BTBD9: variants seen among roughly 807,000 people sequenced by gnomAD.
BTBD9 encodes BTB/POZ domain-containing protein 9.
Under a neutral mutation model 64.3 loss-of-function variants are expected in BTBD9, and 49 were observed. The observed-to-expected ratio is 0.76, with a 90% CI of 0.61 to 0.97. BTBD9 has a LOEUF of 0.97. Ranked by LOEUF, BTBD9 falls within the 50% of genes least tolerant of loss-of-function variation. The probability of loss-of-function intolerance (pLI) is 0.00; values close to 1 mark genes in which losing one functional copy is unlikely to be tolerated. For synonymous variants in BTBD9, 260 were observed against 274.7 expected (o/e 0.95, Z 0.53); for missense variants, 598 against 762.1 (o/e 0.78, Z 2.53).
chr6:38,541,727 A>G (rs898398524), intron 6 of BTBD9, among the ~76,000 whole-genome samples: 4 of 152,002 alleles, frequency 2.6e-5, no homozygotes, highest in Admixed American at 2.0e-4. Context: ...ACAGAGCAAG[A>G]CTCCATCTCA....
At chr6:38,453,247 C>A (rs369185854) in intron 6 of BTBD9, among the ~76,000 whole-genome samples, 1 of 152,092 alleles carries the variant, frequency 6.6e-6, no homozygotes, top group East Asian at 1.9e-4. Flanking sequence ...AAGCTCTCCC[C>A]GTAGAATTTA....
intron 7 of BTBD9, among the ~76,000 whole-genome samples, chr6:38,315,143 C>T (rs1024926786): frequency 8.5e-5 from 13 of 152,198 alleles, no homozygotes; most frequent in Admixed American, 6.5e-4. Flanking sequence ...CCACCATGCC[C>T]GGCCTCTGAT....
At chr6:38,467,149 AAG>A (rs1035421665) in intron 6 of BTBD9, among the ~76,000 whole-genome samples, 3 of 152,336 alleles carry the variant, frequency 2.0e-5, no homozygotes, top group South Asian at 4.1e-4. Context: ...ACAAACAAAA[AAG>A]AATTACAGAA....
chr6:38,210,536 T>TTGTGTGTGTG lies in BTBD9; in HGVS notation c.1563-17949_1563-17940dup, dbSNP rs71542165. Among the ~76,000 whole-genome samples the TTGTGTGTGTG allele has an allele frequency of 4.3e-3, 637 of 146,440 alleles. 9 individuals carry two copies. Among genetic ancestry groups the TTGTGTGTGTG allele is most frequent in the African/African-American group, 0.012 (486 of 39,236 alleles). On this transcript the variant is annotated intron_variant, in intron 9 of 10. Coordinates refer to ENST00000481247, the MANE Select transcript of BTBD9 (RefSeq NM_001099272.2). ...AGTGGTGGTGGGAGAGTGCGTGTGT[T>TTGTGTGTGTG]TGTGTGTGTGTGTGTGTGTGTGTGT...
chr6:38,290,797 G>A (rs1036219372), intron 7 of BTBD9, among the ~76,000 whole-genome samples: 1 of 152,182 alleles, frequency 6.6e-6, no homozygotes, highest in African/African-American at 2.4e-5. Flanking sequence ...ACCCTGCTGT[G>A]TGCCTGGGAA....
intron 6 of BTBD9, among the ~76,000 whole-genome samples, chr6:38,388,219 CAAA>C (rs35755281): frequency 3.9e-5 from 4 of 102,538 alleles, no homozygotes; most frequent in Admixed American, 1.0e-4. Flanking sequence ...CTGCCCCTGA[CAAA>C]AAAAAAAAAA....
At chr6:38,236,308 A>C (rs909077055) in intron 9 of BTBD9, among the ~76,000 whole-genome samples, 1 of 152,128 alleles carries the variant, frequency 6.6e-6, no homozygotes, top group Non-Finnish European at 1.5e-5. Flanking sequence ...CCCATTTCCC[A>C]CTTTACTTTT....
At chr6:38,524,721 A>G (rs1022295776) in intron 6 of BTBD9, among the ~76,000 whole-genome samples, 2 of 152,196 alleles carry the variant, frequency 1.3e-5, no homozygotes, top group Non-Finnish European at 2.9e-5. Context: ...TAACAAATTC[A>G]GTCACTTCTT....
At chr6:38,528,911 A>T (rs1018660863) in intron 6 of BTBD9, among the ~76,000 whole-genome samples, 1 of 152,090 alleles carries the variant, frequency 6.6e-6, no homozygotes, top group African/African-American at 2.4e-5. Context: ...GAGAGACAAG[A>T]GTAAATGGGA....
At chr6:38,475,929 T>C (rs1488065277) in intron 6 of BTBD9, among the ~76,000 whole-genome samples, 2 of 152,146 alleles carry the variant, frequency 1.3e-5, no homozygotes, top group Non-Finnish European at 2.9e-5. Flanking sequence ...CTAGATTCAG[T>C]GGTCTTATTC....
At chr6:38,176,112 G>A (rs748789578) in intron 10 of BTBD9, among the ~76,000 whole-genome samples, 1 of 152,162 alleles carries the variant, frequency 6.6e-6, no homozygotes, top group Non-Finnish European at 1.5e-5. Flanking sequence ...AGTAGACAAC[G>A]TGCTTCGGGG....
chr6:38,460,554 A>T (rs1000143186), intron 6 of BTBD9, among the ~76,000 whole-genome samples: 1 of 152,254 alleles, frequency 6.6e-6, no homozygotes, highest in Non-Finnish European at 1.5e-5. Context: ...GTTTCTTCAC[A>T]TACCATATAG....
chr6:38,305,790 G>A (rs995811970), intron 7 of BTBD9, among the ~76,000 whole-genome samples: 1 of 152,042 alleles, frequency 6.6e-6, no homozygotes, highest in Non-Finnish European at 1.5e-5. Flanking sequence ...GACCCTTAAA[G>A]ACTATAAAAG....
intron 6 of BTBD9, chr6:38,571,589 T>G (rs1448353019): frequency 1.3e-5 from 2 of 151,980 alleles, no homozygotes; most frequent in Non-Finnish European, 2.9e-5. Flanking sequence ...TCTAATGAGG[T>G]CTCCCACAGT....
chr6:38,360,841 G>A (rs1764924856), intron 6 of BTBD9, among the ~76,000 whole-genome samples: 1 of 152,224 alleles, frequency 6.6e-6, no homozygotes, highest in African/African-American at 2.4e-5. Context: ...GCTAGAGGGA[G>A]ACTGTAGAGT....
At chr6:38,311,383 T>A (rs1166830330) in intron 7 of BTBD9, among the ~76,000 whole-genome samples, 1 of 152,146 alleles carries the variant, frequency 6.6e-6, no homozygotes, top group African/African-American at 2.4e-5. Flanking sequence ...TCTAGTTCCA[T>A]CCACGTTGTT....
chr6:38,592,698 C>T lies in BTBD9; in HGVS notation c.692G>A (p.Ser231Asn). ...IMQAVRLPLM[S>N]LTELLNVVRP... is the part of the protein sequence containing the mutation. ...CACAACATTCAGAAGCTCTGTGAGGCTCATGAGAGGTAAACGCACAGCCTG... is the reference window on the plus strand; with the variant it reads ...CACAACATTCAGAAGCTCTGTGAGGTTCATGAGAGGTAAACGCACAGCCTG... Residue 231 changes from serine to asparagine, a missense_variant, in exon 4 of 11, where the codon AGC becomes AAC. Ser to Asn is a conservative substitution (Grantham distance 46). Transcript: ENST00000481247. 1.2e-6 allele frequency: 2 copies of T among 1,614,154 alleles called. No homozygotes were observed. Among genetic ancestry groups the T allele is most frequent in the Non-Finnish European group, 1.7e-6 (2 of 1,180,028 alleles).
At chr6:38,233,196 T>G (rs1763671348) in intron 9 of BTBD9, among the ~76,000 whole-genome samples, 1 of 152,156 alleles carries the variant, frequency 6.6e-6, no homozygotes, top group Non-Finnish European at 1.5e-5. Context: ...TTCAATTTTT[T>G]AAAAAAGACA....
At position 38,267,961 on chromosome 6, in the gene BTBD9, C is replaced by G. The variant is rs574892917; in HGVS notation, c.1455-11445G>C. Among the ~76,000 whole-genome samples the G allele has an allele frequency of 1.2e-3, 182 of 152,164 alleles. 1 individual carries two copies. The highest frequency in any genetic ancestry group is 2.8e-3 in the Admixed American group (43 of 15,282). ...TCTCAAAAAACAAAACAAAACAAAA[C>G]AAAAACCGAAGGAGAAATGAGGAGC... is the stretch of plus-strand genomic sequence containing the variant. On this transcript the variant is annotated intron_variant, in intron 8 of 10. Coordinates refer to ENST00000481247, the MANE Select transcript of BTBD9 (RefSeq NM_001099272.2).
Sources: allele counts gnomAD v4.1 joint callset (sites outside exome capture counted in the v4.1 genomes callset), GRCh38; gene constraint gnomAD v4.1.1; transcripts MANE v1.5; gene names NCBI Gene and HGNC (gene_info 2026-07-23, HGNC 2026-07-21).